Variants in INSL6 observed in about 807,000 individuals in gnomAD.
The protein encoded by INSL6 is insulin like 6.
Under a neutral mutation model 9.4 loss-of-function variants are expected in INSL6, and 16 were observed. The observed-to-expected ratio is 1.70, with a 90% confidence interval of 1.15 to 2.59. The LOEUF (loss-of-function observed/expected upper bound fraction) is 2.59. INSL6 is among the 30% of genes most tolerant of loss of function. The pLI, the probability that INSL6 is intolerant of heterozygous loss-of-function variation, is 0.00. For synonymous variants in INSL6, 154 were observed against 96.9 expected, an observed-to-expected ratio of 1.59 and a Z score of -3.46; for missense variants, 391 against 257.3, an observed-to-expected ratio of 1.52 and a Z score of -3.56.
chr9:5,037,458 A>G, the INSL6 span, among the ~76,000 whole-genome samples: 2 of 152,268 alleles, frequency 1.3e-5, no homozygotes, highest in Admixed American at 1.3e-4. Context: ...GAACCAAGCT[A>G]GATGTCCAAC....
the INSL6 span, chr9:5,077,370 A>ATGTAAG: frequency 6.3e-6 from 3 of 474,446 alleles, no homozygotes; most frequent in African/African-American, 4.1e-5. Context: ...TAATGGTCAC[A>ATGTAAG]TGTAAGTATA....
the INSL6 span, chr9:5,114,188 G>GCCGT: frequency 2.2e-6 from 1 of 458,248 alleles, no homozygotes; most frequent in South Asian, 1.9e-5. Context: ...CGCAAGGGGT[G>GCCGT]AGCACCTACC....
At chr9:5,021,216 G>A in the INSL6 span, among the ~76,000 whole-genome samples, 5 of 152,232 alleles carry the variant, frequency 3.3e-5, no homozygotes, top group Non-Finnish European at 5.9e-5. Context: ...TCACTTCTCT[G>A]TTGAATTTCC....
chr9:5,114,463 C>A, the INSL6 span: 1 of 469,724 alleles, frequency 2.1e-6, no homozygotes, highest in South Asian at 1.9e-5. Flanking sequence ...CTGCAGTCCA[C>A]GACCAAGATC....
chr9:4,994,973 T>C, the INSL6 span, among the ~76,000 whole-genome samples: 4 of 152,146 alleles, frequency 2.6e-5, no homozygotes, highest in Non-Finnish European at 2.9e-5. Flanking sequence ...TAACTAAAGA[T>C]TAAGTAGAAG....
the INSL6 span, among the ~76,000 whole-genome samples, chr9:5,020,506 T>C: frequency 6.6e-6 from 1 of 152,114 alleles, no homozygotes; most frequent in Non-Finnish European, 1.5e-5. Flanking sequence ...GGCTGTGCTG[T>C]GCCCTGATGC....
chr9:5,050,255 A>G, the INSL6 span, among the ~76,000 whole-genome samples: 6 of 152,226 alleles, frequency 3.9e-5, no homozygotes, highest in Non-Finnish European at 5.9e-5. Context: ...ATTGTATCGC[A>G]AAATGAATGA....
chr9:5,024,216 A>G, the INSL6 span, among the ~76,000 whole-genome samples: 2 of 152,160 alleles, frequency 1.3e-5, no homozygotes, highest in Admixed American at 1.3e-4. Flanking sequence ...AGATTGCGCC[A>G]CTGCACTCCA....
chr9:5,157,277 T>C (rs61461940), intron 2 of INSL6, among the ~76,000 whole-genome samples: 52,692 of 151,858 alleles, frequency 0.35, 9,693 homozygotes, highest in African/African-American at 0.48. Context: ...ATACAAAGGC[T>C]CAACAATAGC....
the INSL6 span, among the ~76,000 whole-genome samples, chr9:5,089,370 C>T: frequency 6.6e-6 from 1 of 151,926 alleles, no homozygotes; most frequent in African/African-American, 2.4e-5. Context: ...AACCCTGTCT[C>T]TACTAAATAT....
chr9:5,020,507 G>T, the INSL6 span, among the ~76,000 whole-genome samples: 1 of 152,166 alleles, frequency 6.6e-6, no homozygotes, highest in Admixed American at 6.5e-5. Context: ...GCTGTGCTGT[G>T]CCCTGATGCT....
intron 2 of INSL6, among the ~76,000 whole-genome samples, chr9:5,153,545 T>C (rs1824756080): frequency 1.3e-5 from 2 of 152,218 alleles, no homozygotes; most frequent in African/African-American, 4.8e-5. Flanking sequence ...AATTGTCTGT[T>C]TGCAGATGAC....
At chr9:5,127,125 T>TAAAATG in intron 3 of INSL6, 1 of 269,046 alleles carries the variant, frequency 3.7e-6, no homozygotes, top group Non-Finnish European at 7.1e-6. Context: ...TATGTAAATT[T>TAAAATG]TGCAATGTTA....
At chr9:5,004,654 A>G in the INSL6 span, among the ~76,000 whole-genome samples, 1 of 152,112 alleles carries the variant, frequency 6.6e-6, no homozygotes, top group African/African-American at 2.4e-5. Context: ...CAGAAGTGGG[A>G]TTGCTAAATC....
the INSL6 span, among the ~76,000 whole-genome samples, chr9:5,045,551 C>A: frequency 2.0e-5 from 3 of 152,160 alleles, no homozygotes; most frequent in Non-Finnish European, 4.4e-5. Flanking sequence ...AAACTTCATA[C>A]CCATTAAATA....
At chr9:5,094,981 A>T in the INSL6 span, 1 of 152,118 alleles carries the variant, frequency 6.6e-6, no homozygotes, top group Non-Finnish European at 1.5e-5. Context: ...ATATATCTCA[A>T]TGCCTTTCCT....
At chr9:5,043,187 A>G in the INSL6 span, among the ~76,000 whole-genome samples, 6 of 152,094 alleles carry the variant, frequency 3.9e-5, no homozygotes, top group Non-Finnish European at 5.9e-5. Flanking sequence ...GCGGACTCCC[A>G]GCGGGTCAGC....
chr9:5,035,083 C>T, the INSL6 span, among the ~76,000 whole-genome samples: 1 of 152,132 alleles, frequency 6.6e-6, no homozygotes, highest in South Asian at 2.1e-4. Flanking sequence ...TACAAACTAC[C>T]ATCAGAGAAT....
At chr9:5,102,449 C>G in the INSL6 span, among the ~76,000 whole-genome samples, 1 of 152,098 alleles carries the variant, frequency 6.6e-6, no homozygotes, top group African/African-American at 2.4e-5. Flanking sequence ...GAGAATGGAA[C>G]CAAGCTGGAA....
Sources: gnomAD v4.1 joint callset for allele counts (sites outside exome capture counted in the v4.1 genomes callset) on GRCh38, gnomAD v4.1.1 for gene constraint, MANE v1.5 for transcripts, NCBI Gene and HGNC (gene_info 2026-07-23, HGNC 2026-07-21) for gene names.